KCNA6: variants seen among roughly 807,000 people sequenced by gnomAD.
The protein encoded by KCNA6 is potassium voltage-gated channel subfamily A member 6, also known as human brain potassium channel-2.
In KCNA6, 17 loss-of-function variants were observed where a neutral mutation model predicts 29.5. The observed-to-expected ratio is 0.58, with a 90% CI of 0.39 to 0.86. The LOEUF (loss-of-function observed/expected upper bound fraction) is 0.86, where lower values mean the gene tolerates loss of function less well. Among genes scored for constraint, KCNA6 ranks in the 40% least tolerant of loss-of-function variants. The probability of loss-of-function intolerance (pLI) is 0.00; values close to 1 mark genes in which losing one functional copy is unlikely to be tolerated. For missense variants in KCNA6, 450 were observed against 703.4 expected (o/e 0.64, Z 4.07); for synonymous variants, 296 against 304.7 (o/e 0.97, Z 0.30).
chr12:4,834,248 T>C, the KCNA6 span, among the ~76,000 whole-genome samples: 4 of 152,098 alleles, frequency 2.6e-5, no homozygotes, highest in African/African-American at 7.2e-5. Flanking sequence ...CTGTCTTCTT[T>C]GAAGTGTTGG....
chr12:4,823,532 C>A, the KCNA6 span, among the ~76,000 whole-genome samples: 2 of 151,794 alleles, frequency 1.3e-5, no homozygotes, highest in Non-Finnish European at 2.9e-5. Context: ...TTTGAGAGGC[C>A]GAGGCGGGCG....
At chr12:4,837,210 C>G in the KCNA6 span, among the ~76,000 whole-genome samples, 1 of 152,222 alleles carries the variant, frequency 6.6e-6, no homozygotes, top group Admixed American at 6.5e-5. Flanking sequence ...TAGCTGAACA[C>G]ATTGAGGTTC....
At chr12:4,835,022 T>C in the KCNA6 span, among the ~76,000 whole-genome samples, 1 of 152,162 alleles carries the variant, frequency 6.6e-6, no homozygotes, top group East Asian at 1.9e-4. Context: ...GCCTAACCAA[T>C]GTATTGGGTT....
At chr12:4,847,940 C>CCAGGAAAATAT in the KCNA6 span, among the ~76,000 whole-genome samples, 1 of 152,102 alleles carries the variant, frequency 6.6e-6, no homozygotes, top group Non-Finnish European at 1.5e-5. Context: ...AAAATATTCT[C>CCAGGAAAATAT]CAACTGCCTG....
chr12:4,844,894 T>G, the KCNA6 span, among the ~76,000 whole-genome samples: 1 of 152,206 alleles, frequency 6.6e-6, no homozygotes, highest in Non-Finnish European at 1.5e-5. The surrounding 1 kb of genome is among the most constrained non-coding windows in gnomAD (Gnocchi z 4.0). Context: ...ATTGCCTCAT[T>G]TTCTTCACCT....
At position 4,811,199 on chromosome 12, in the gene KCNA6, G is replaced by A. The variant is rs773957586; in HGVS notation, c.1158G>A (p.Gly386=). 6.2e-7 allele frequency: 1 copy of A among 1,614,072 alleles called. No homozygotes were observed. The highest frequency in any genetic ancestry group is 1.1e-5 in the South Asian group (1 of 91,086). Residue 386 remains glycine, a synonymous_variant, in exon 1 of 1, where the codon GGG becomes GGA. Coordinates refer to ENST00000280684, the Ensembl canonical transcript of KCNA6. This position sits in a 1 kb window ranked among gnomAD's most constrained non-coding sequence, Gnocchi z 7.1. ...TGCTCATCTTCTTCCTCTTCATCGG[G>A]GTCATCCTCTTCTCCAGTGCCGTCT...
chr12:4,821,757 G>GC, the KCNA6 span, among the ~76,000 whole-genome samples: 4 of 152,170 alleles, frequency 2.6e-5, no homozygotes, highest in African/African-American at 9.7e-5. Flanking sequence ...AGGGACAGCG[G>GC]CCCCCTGCAG....
At position 4,810,438 on chromosome 12, in the gene KCNA6, G is replaced by T; in HGVS notation, c.397G>T (p.Ala133Ser). Residue 133 changes from alanine to serine, a missense_variant, in exon 1 of 1, where the codon GCC (alanine) becomes TCC (serine). This residue lies in a region of KCNA6 where 133 missense variants were observed against 217.5 expected (regional missense o/e 0.61). Transcript: ENST00000280684. This position sits in a 1 kb window ranked among gnomAD's most constrained non-coding sequence, Gnocchi z 7.5. ...CCAGCTGGGGGACGAGGCCCTGGCG[G>T]CCTTCCGGGAGGACGAGGGCTGCCT... 6.2e-7 allele frequency: 1 copy of T among 1,614,076 alleles called. No homozygotes were observed. The highest frequency in any genetic ancestry group is 8.5e-7 in the Non-Finnish European group (1 of 1,179,978).
the KCNA6 span, among the ~76,000 whole-genome samples, chr12:4,837,143 A>G: frequency 6.6e-6 from 1 of 152,186 alleles, no homozygotes; most frequent in Non-Finnish European, 1.5e-5. Context: ...AATCATGCCT[A>G]TGTAATGAAG....
the KCNA6 span, among the ~76,000 whole-genome samples, chr12:4,847,531 A>G: frequency 1.3e-5 from 2 of 152,052 alleles, no homozygotes; most frequent in African/African-American, 4.8e-5. Flanking sequence ...TTTGGCTGTC[A>G]TATTTTTAAT....
chr12:4,834,150 G>C, the KCNA6 span, among the ~76,000 whole-genome samples: 1 of 151,930 alleles, frequency 6.6e-6, no homozygotes, highest in Non-Finnish European at 1.5e-5. Context: ...TCCCAGGTTG[G>C]TCTGAAACTC....
At chr12:4,820,546 A>AACACACACACACACACACAC in the KCNA6 span, among the ~76,000 whole-genome samples, 62 of 134,754 alleles carry the variant, frequency 4.6e-4, no homozygotes, top group Admixed American at 1.1e-3. Context: ...GGATTACCTA[A>AACACACACACACACACACAC]ACACACACAC....
the KCNA6 span, among the ~76,000 whole-genome samples, chr12:4,824,929 T>C: frequency 6.6e-6 from 1 of 152,220 alleles, no homozygotes; most frequent in Non-Finnish European, 1.5e-5. Context: ...ACAGATGACA[T>C]GAAATAATTG....
downstream of KCNA6, among the ~76,000 whole-genome samples, chr12:4,817,457 G>T (rs1227079907): frequency 6.6e-6 from 1 of 152,168 alleles, no homozygotes; most frequent in East Asian, 1.9e-4. Context: ...ATGTCCCTTT[G>T]TTCTGAACTT....
chr12:4,820,851 C>G, the KCNA6 span, among the ~76,000 whole-genome samples: 1 of 152,132 alleles, frequency 6.6e-6, no homozygotes, highest in Non-Finnish European at 1.5e-5. Flanking sequence ...AGGCTCTGGG[C>G]TTCTAATCTC....
the KCNA6 span, among the ~76,000 whole-genome samples, chr12:4,836,309 T>C: frequency 6.6e-6 from 1 of 152,182 alleles, no homozygotes; most frequent in East Asian, 1.9e-4. Context: ...CTGCAGTGAA[T>C]AGATCAGGTG....
the KCNA6 span, among the ~76,000 whole-genome samples, chr12:4,819,870 A>G: frequency 6.6e-6 from 1 of 152,252 alleles, no homozygotes; most frequent in Non-Finnish European, 1.5e-5. Flanking sequence ...AAGGAAGCTA[A>G]CATCACTTGC....
At chr12:4,815,185 A>C (rs1248208837), downstream of KCNA6, among the ~76,000 whole-genome samples, 1 of 150,866 alleles carries the variant, frequency 6.6e-6, no homozygotes, top group Non-Finnish European at 1.5e-5. Flanking sequence ...CCCTCTCTCC[A>C]CCTTTTCAGT....
At chr12:4,846,347 A>G in the KCNA6 span, among the ~76,000 whole-genome samples, 1 of 152,046 alleles carries the variant, frequency 6.6e-6, no homozygotes, top group Non-Finnish European at 1.5e-5. Flanking sequence ...GCTTTCTTAC[A>G]CTGCCCACCG....
Sources: allele counts gnomAD v4.1 joint callset (sites outside exome capture counted in the v4.1 genomes callset), GRCh38; gene constraint gnomAD v4.1.1; regional missense constraint gnomAD v4.1.1; non-coding constraint Gnocchi (gnomAD v3.1); transcripts MANE v1.5; gene names NCBI Gene and HGNC (gene_info 2026-07-23, HGNC 2026-07-21).